FER: variants seen among roughly 807,000 people sequenced by gnomAD.
FER encodes the protein tyrosine-protein kinase Fer.
In FER, 63 loss-of-function variants were observed where a neutral mutation model predicts 111.0. The observed-to-expected ratio is 0.57, with a 90% confidence interval of 0.46 to 0.70. FER has a LOEUF of 0.70. Ranked by LOEUF, FER falls within the 30% of genes least tolerant of loss-of-function variation. The pLI is 0.00. For missense variants in FER, 914 were observed against 954.0 expected, an observed-to-expected ratio of 0.96 and a Z score of 0.55; for synonymous variants, 327 against 313.9, an observed-to-expected ratio of 1.04 and a Z score of -0.44.
chr5:109,000,185 G>A (rs1764546556), intron 13 of FER, among the ~76,000 whole-genome samples: 2 of 151,406 alleles, frequency 1.3e-5, no homozygotes, highest in Admixed American at 6.6e-5. Flanking sequence ...AATTGACTTA[G>A]GAAAAAGACA....
At chr5:109,082,838 A>T in intron 16 of FER, among the ~76,000 whole-genome samples, 1 of 152,114 alleles carries the variant, frequency 6.6e-6, no homozygotes. Flanking sequence ...TAAATTCTTT[A>T]TCCAAGATGA....
At chr5:108,908,933 A>T (rs1751167960) in intron 10 of FER, among the ~76,000 whole-genome samples, 1 of 152,132 alleles carries the variant, frequency 6.6e-6, no homozygotes, top group South Asian at 2.1e-4. Flanking sequence ...CAGGAGACTA[A>T]GGTGGGACGA....
Position 108,845,011 on chromosome 5 carries a change from T to C in FER, c.481+9204T>C, listed in dbSNP as rs1170682008. Among the ~76,000 whole-genome samples the C allele has an allele frequency of 7.9e-4, 31 of 39,382 alleles. 1 individual carries two copies. The highest frequency in any genetic ancestry group is 2.3e-3 in the Admixed American group (7 of 3,040). 25.8% of individuals were successfully genotyped at this position (39,382 alleles called of 152,430 possible). On this transcript the variant is annotated intron_variant, in intron 5 of 19. Transcript: ENST00000281092. ...GTGTGTGTGTGTATATATATATATA[T>C]ATATATATATATATATATATATATA... is the stretch of plus-strand genomic sequence containing the variant.
At chr5:108,843,223 G>A (rs1052847462) in intron 5 of FER, among the ~76,000 whole-genome samples, 3 of 152,174 alleles carry the variant, frequency 2.0e-5, no homozygotes, top group African/African-American at 7.2e-5. Flanking sequence ...TCTCATCCAG[G>A]TCACTGCAAA....
At chr5:109,106,851 C>A (rs10056059) in intron 17 of FER, among the ~76,000 whole-genome samples, 60,972 of 152,052 alleles carry the variant, frequency 0.4, 13,047 homozygotes, top group African/African-American at 0.56. Flanking sequence ...CAATTAACAT[C>A]TTGGCTTGGG....
chr5:108,788,739 G>A (rs1230591803), intron 2 of FER, among the ~76,000 whole-genome samples: 2 of 151,932 alleles, frequency 1.3e-5, no homozygotes, highest in African/African-American at 4.8e-5. Flanking sequence ...ATTGACTCTT[G>A]AATTTGGATT....
chr5:108,974,774 C>G (rs1024508887), intron 13 of FER, among the ~76,000 whole-genome samples: 2 of 152,110 alleles, frequency 1.3e-5, no homozygotes, highest in Admixed American at 6.5e-5. Context: ...GTTACATGGC[C>G]AAGGTCCAAG....
At chr5:109,137,320 G>A (rs2126611652) in intron 17 of FER, among the ~76,000 whole-genome samples, 1 of 152,234 alleles carries the variant, frequency 6.6e-6, no homozygotes, top group South Asian at 2.1e-4. Context: ...CCAATCAGAG[G>A]GTCCACATAC....
In FER at chr5:109,189,220, C is replaced by T. The variant is rs921707628; in HGVS notation, c.*1645C>T. ...CCCCATGATCTGTATATAGTTGCCT[C>T]TCAGGATAAATGCATATATAGAAGA... On this transcript the variant is annotated 3_prime_UTR_variant, in exon 20 of 20. Coordinates refer to ENST00000281092, the MANE Select transcript of FER (RefSeq NM_005246.4). 3 of 151,520 alleles carry T rather than the reference C, an allele frequency of 2.0e-5. No individual in the cohort carries two copies. Among genetic ancestry groups the T allele is most frequent in the Non-Finnish European group, 3.0e-5 (2 of 67,776 alleles). 9.4% of individuals were successfully genotyped at this position (151,520 alleles called of 1,614,324 possible). A position where few individuals can be genotyped will look rare whatever the true frequency, so the allele number is the denominator to read the frequency against.
chr5:109,099,135 T>C (rs932726772), intron 16 of FER, among the ~76,000 whole-genome samples: 4 of 151,602 alleles, frequency 2.6e-5, no homozygotes, highest in African/African-American at 4.8e-5. Context: ...GTGGGAAAGA[T>C]TGTTTTTAGA....
At chr5:109,052,961 A>G (rs986141896) in intron 16 of FER, among the ~76,000 whole-genome samples, 2 of 152,236 alleles carry the variant, frequency 1.3e-5, no homozygotes, top group African/African-American at 4.8e-5. Context: ...TCTTTTACCC[A>G]TGCATGATTT....
intron 10 of FER, among the ~76,000 whole-genome samples, chr5:108,921,640 A>G (rs940970141): frequency 6.6e-6 from 1 of 152,128 alleles, no homozygotes; most frequent in Admixed American, 6.5e-5. Context: ...GTCTTTTTTT[A>G]TGAAGGTAAT....
At chr5:108,963,174 T>A (rs576581286) in intron 13 of FER, among the ~76,000 whole-genome samples, 3 of 152,190 alleles carry the variant, frequency 2.0e-5, no homozygotes, top group Non-Finnish European at 4.4e-5. Flanking sequence ...TTGGAAGATA[T>A]TTGCTTTGTT....
intron 13 of FER, among the ~76,000 whole-genome samples, chr5:108,988,454 A>G (rs1762815234): frequency 6.6e-6 from 1 of 151,968 alleles, no homozygotes. Flanking sequence ...TACCATTTCA[A>G]TCTCACTGCT....
chr5:108,865,074 G>A lies in FER; in HGVS notation c.482-2693G>A, dbSNP rs569430549. On this transcript the variant is annotated intron_variant, in intron 5 of 19. Coordinates refer to ENST00000281092, the MANE Select transcript of FER (RefSeq NM_005246.4). ...TGTTCTCCTTGAAGAGGTCCTTCAC[G>A]TCCCTTGTAAGTTGGATTCCTAAGT... 3.3e-3 allele frequency among the ~76,000 whole-genome samples: 500 copies of A among 152,164 alleles called. 4 individuals are homozygous for A. Among genetic ancestry groups the A allele is most frequent in the Admixed American group, 0.01 (156 of 15,290 alleles).
chr5:109,187,386 G>A, intron 19 of FER, 47 bp from the exon 20 acceptor site: 2 of 1,596,824 alleles, frequency 1.3e-6, no homozygotes, highest in South Asian at 1.1e-5. Flanking sequence ...AACATTTTGT[G>A]TCTTACCTCC....
intron 17 of FER, among the ~76,000 whole-genome samples, chr5:109,123,148 T>A (rs1751210647): frequency 6.3e-5 from 9 of 142,088 alleles, no homozygotes; most frequent in Admixed American, 5.6e-4. Context: ...TTTCCTTCCT[T>A]CCTGTCTTGT....
rs1210126510 is a variant in FER at position 109,054,108 on chromosome 5, C to T, written c.1924+6910C>T. ...GTTGCTGTAAACATTCCTGTACAAG[C>T]CTTCATCTGGACAAATGCTTTCATT... On this transcript the variant is annotated intron_variant, in intron 16 of 19. Transcript: ENST00000281092. Among the ~76,000 whole-genome samples the T allele has an allele frequency of 1.6e-4, 25 of 152,132 alleles. 1 individual carries two copies.
intron 3 of FER, among the ~76,000 whole-genome samples, chr5:108,817,025 G>C (rs1039733930): frequency 7.3e-6 from 1 of 136,992 alleles, no homozygotes; most frequent in South Asian, 2.5e-4. Context: ...GATCACTTTA[G>C]CCCAGGAGGC....
Sources: gnomAD v4.1 joint callset for allele counts (sites outside exome capture counted in the v4.1 genomes callset) on GRCh38, gnomAD v4.1.1 for gene constraint, MANE v1.5 for transcripts, NCBI Gene and HGNC (gene_info 2026-07-23, HGNC 2026-07-21) for gene names.